RANBP17: variants seen among roughly 807,000 people sequenced by gnomAD.
RANBP17 encodes RAN binding protein 17, also known as ran-binding protein 17.
A neutral mutation model predicts 141.2 loss-of-function variants in RANBP17; 158 were observed. The ratio of observed to expected loss-of-function variants is 1.12; its 90% CI spans 0.98 to 1.28. RANBP17 has a LOEUF of 1.28. RANBP17 is among the 50% of genes most tolerant of loss of function. The pLI, the probability that RANBP17 is intolerant of heterozygous loss-of-function variation, is 0.00. For synonymous variants in RANBP17, 430 were observed against 450.0 expected (o/e 0.96, Z 0.56); for missense variants, 1,438 against 1,290.7 (o/e 1.11, Z -1.75).
intron 14 of RANBP17, among the ~76,000 whole-genome samples, chr5:171,030,962 T>A (rs1398511249): frequency 6.6e-6 from 1 of 152,074 alleles, no homozygotes; most frequent in African/African-American, 2.4e-5. Context: ...ACTTTTATCC[T>A]TCTTGTATGT....
At chr5:171,231,508 G>A (rs1383042698) in intron 22 of RANBP17, among the ~76,000 whole-genome samples, 5 of 152,052 alleles carry the variant, frequency 3.3e-5, no homozygotes, top group Non-Finnish European at 7.4e-5. Context: ...TCTAGGACAA[G>A]ACATTCCCCA....
At chr5:171,094,625 T>C (rs1581621911) in intron 14 of RANBP17, among the ~76,000 whole-genome samples, 1 of 152,180 alleles carries the variant, frequency 6.6e-6, no homozygotes, top group Non-Finnish European at 1.5e-5. Context: ...AACTTTTTAC[T>C]ATTCCCACCT....
At chr5:171,112,523 A>C (rs1457041966) in intron 14 of RANBP17, among the ~76,000 whole-genome samples, 1 of 152,004 alleles carries the variant, frequency 6.6e-6, no homozygotes, top group Non-Finnish European at 1.5e-5. Flanking sequence ...AGACAATACT[A>C]TTTTGGCTAT....
intron 3 of RANBP17, among the ~76,000 whole-genome samples, chr5:170,883,801 C>T (rs145719055): frequency 2.9e-4 from 44 of 152,194 alleles, no homozygotes; most frequent in Admixed American, 3.9e-4. Context: ...TTCTTTTTAG[C>T]GCTGAATAAT....
intron 22 of RANBP17, among the ~76,000 whole-genome samples, chr5:171,233,194 AAAG>A (rs1330127872): frequency 6.6e-6 from 1 of 152,166 alleles, no homozygotes; most frequent in Non-Finnish European, 1.5e-5. Flanking sequence ...TAGAAAAGTA[AAAG>A]AAGGTAATAA....
At chr5:171,092,295 CAAGTT>C (rs1310376541) in intron 14 of RANBP17, among the ~76,000 whole-genome samples, 3 of 152,098 alleles carry the variant, frequency 2.0e-5, no homozygotes, top group Non-Finnish European at 4.4e-5. Context: ...AATGATACTT[CAAGTT>C]ATGTTACAGA....
intron 14 of RANBP17, among the ~76,000 whole-genome samples, chr5:170,996,094 A>G (rs1214641631): frequency 6.6e-6 from 1 of 152,140 alleles, no homozygotes; most frequent in East Asian, 1.9e-4. Context: ...GTTACCCTCC[A>G]TAGCCCCTCA....
intron 14 of RANBP17, among the ~76,000 whole-genome samples, chr5:171,047,442 G>GTTTT (rs60072803): frequency 7.7e-6 from 1 of 129,448 alleles, no homozygotes. Flanking sequence ...TTTTTGTTTT[G>GTTTT]TTTTTTTTTT....
At position 170,941,675 on chromosome 5, in the gene RANBP17, CA is replaced by C. The variant is rs544536735; in HGVS notation, c.1469-11916del. Among the ~76,000 whole-genome samples the C allele has an allele frequency of 4.3e-4, 66 of 152,088 alleles. 1 individual carries two copies. The East Asian group carries it at 0.012, about 27-fold the overall frequency. On this transcript the variant is annotated intron_variant, in intron 12 of 27. Coordinates refer to ENST00000523189, the MANE Select transcript of RANBP17 (RefSeq NM_022897.5). ...CAGAAAAACATAAATGGTGCATATA[CA>C]AAAAACCCAACTTCATTACCAATAA...
At chr5:171,173,378 G>C (rs1051362376) in intron 16 of RANBP17, among the ~76,000 whole-genome samples, 1 of 151,710 alleles carries the variant, frequency 6.6e-6, no homozygotes, top group Admixed American at 6.6e-5. Flanking sequence ...CCTTGTTATT[G>C]GAAATCTGTT....
At chr5:171,252,363 C>A in intron 24 of RANBP17, 1 of 1,538,042 alleles carries the variant, frequency 6.5e-7, no homozygotes, top group Non-Finnish European at 9.0e-7. Context: ...CTAATGAAAC[C>A]AGATGTCTTA....
At chr5:170,916,227 T>TAA (rs1283013006) in intron 8 of RANBP17, among the ~76,000 whole-genome samples, 5 of 24,914 alleles carry the variant, frequency 2.0e-4, no homozygotes, top group Admixed American at 5.0e-4. Flanking sequence ...ATATTCTATA[T>TAA]TGCATTATAA....
In RANBP17 at chr5:171,262,921, A is replaced by G. The variant is rs114671839; in HGVS notation, c.2777-2760A>G. ...TACCATTTTCCTCTGTGTTAAATGC[A>G]TACGACTGTATTTCAAAACTTGCCC... On this transcript the variant is annotated intron_variant, in intron 24 of 27. Coordinates refer to ENST00000523189, the MANE Select transcript of RANBP17 (RefSeq NM_022897.5). 3.6e-3 allele frequency among the ~76,000 whole-genome samples: 548 copies of G among 152,334 alleles called. 4 individuals carry two copies. Among genetic ancestry groups the G allele is most frequent in the African/African-American group, 0.013 (521 of 41,584 alleles).
At chr5:171,005,589 T>A (rs1779540809) in intron 14 of RANBP17, among the ~76,000 whole-genome samples, 1 of 152,214 alleles carries the variant, frequency 6.6e-6, no homozygotes, top group South Asian at 2.1e-4. Context: ...ATACAAAAAT[T>A]AATTCAAGAT....
At chr5:171,040,771 A>G (rs1452767912) in intron 14 of RANBP17, among the ~76,000 whole-genome samples, 1 of 152,170 alleles carries the variant, frequency 6.6e-6, no homozygotes, top group Non-Finnish European at 1.5e-5. Context: ...TGAAACAGAG[A>G]AGAGGAAACT....
chr5:170,963,527 G>T (rs972462331), intron 13 of RANBP17, among the ~76,000 whole-genome samples: 1 of 152,202 alleles, frequency 6.6e-6, no homozygotes, highest in African/African-American at 2.4e-5. Flanking sequence ...GTAGAAGATG[G>T]TTTTTCCATG....
chr5:171,214,374 T>C (rs1213867188), intron 21 of RANBP17, among the ~76,000 whole-genome samples: 1 of 152,222 alleles, frequency 6.6e-6, no homozygotes, highest in Non-Finnish European at 1.5e-5. Flanking sequence ...CATATAAATA[T>C]TAACAAAGAT....
chr5:171,167,047 T>C (rs1044728623), intron 14 of RANBP17, among the ~76,000 whole-genome samples: 24 of 152,240 alleles, frequency 1.6e-4, no homozygotes, highest in Admixed American at 1.5e-3. Flanking sequence ...ATAAAAGGAA[T>C]GGTGCAAGTT....
chr5:171,090,172 G>A (rs1786129573), intron 14 of RANBP17, among the ~76,000 whole-genome samples: 1 of 152,220 alleles, frequency 6.6e-6, no homozygotes, highest in African/African-American at 2.4e-5. Flanking sequence ...CTAGAGACTT[G>A]TTGAATGGCT....
Sources: gnomAD v4.1 joint callset for allele counts (sites outside exome capture counted in the v4.1 genomes callset) on GRCh38, gnomAD v4.1.1 for gene constraint, MANE v1.5 for transcripts, NCBI Gene and HGNC (gene_info 2026-07-23, HGNC 2026-07-21) for gene names.